Variants in TTC27 observed in about 807,000 individuals in gnomAD.
TTC27 encodes the protein tetratricopeptide repeat domain 27, also known as tetratricopeptide repeat protein 27.
Under a neutral mutation model 115.9 loss-of-function variants are expected in TTC27, and 79 were observed. That is an observed-to-expected ratio of 0.68 (90% CI 0.57 to 0.82). The LOEUF (loss-of-function observed/expected upper bound fraction) is 0.82, where lower values mean the gene tolerates loss of function less well. TTC27 is among the 40% of genes least tolerant of loss of function. TTC27 has a pLI of 0.00. For synonymous variants in TTC27, 401 were observed against 356.0 expected, an observed-to-expected ratio of 1.13 and a Z score of -1.42; for missense variants, 1,054 against 993.1, an observed-to-expected ratio of 1.06 and a Z score of -0.82.
intron 9 of TTC27, among the ~76,000 whole-genome samples, chr2:32,683,520 A>G (rs1666516663): frequency 1.3e-5 from 2 of 152,336 alleles, no homozygotes; most frequent in African/African-American, 4.8e-5. Flanking sequence ...GTTGAAATAT[A>G]TATGAAATAT....
At chr2:32,653,826 A>T (rs113999851) in intron 5 of TTC27, among the ~76,000 whole-genome samples, 2,102 of 152,300 alleles carry the variant, frequency 0.014, 23 homozygotes, top group Middle Eastern at 0.027. Flanking sequence ...TGACATTTTG[A>T]TCCAGAAGGT....
intron 9 of TTC27, among the ~76,000 whole-genome samples, chr2:32,687,694 A>C (rs1295839742): frequency 6.6e-6 from 1 of 152,226 alleles, no homozygotes; most frequent in African/African-American, 2.4e-5. Context: ...ATTACAAAGA[A>C]TATTTCCAGA....
chr2:32,820,671 G>A, intron 19 of TTC27, 145 bp from the exon 20 acceptor site: 1 of 647,758 alleles, frequency 1.5e-6, no homozygotes. Context: ...TTCTTGGCTA[G>A]TGAACAGAAA....
Position 32,628,312 on chromosome 2 carries a change from C to A in TTC27, c.20C>A (p.Ala7Glu). MWTPELAILRGFPTEAE... is the reference protein window; with the variant it reads MWTPELEILRGFPTEAE... ...GGGGTGATGTGGACCCCGGAGCTGG[C>A]AATTCTGAGGGGATTCCCCACTGAG... Residue 7 changes from alanine to glutamate, a missense_variant, in exon 1 of 20, where the codon GCA becomes GAA. Ala to Glu is a moderately radical substitution (Grantham distance 107). Coordinates refer to ENST00000317907, the MANE Select transcript of TTC27 (RefSeq NM_017735.5). The A allele has an allele frequency of 6.2e-7, 1 of 1,606,728 alleles. No individual in the cohort carries two copies. Among genetic ancestry groups the A allele is most frequent in the South Asian group, 1.1e-5 (1 of 89,002 alleles).
At chr2:32,631,721 A>G (rs1341215453) in intron 2 of TTC27, among the ~76,000 whole-genome samples, 1 of 152,240 alleles carries the variant, frequency 6.6e-6, no homozygotes, top group Non-Finnish European at 1.5e-5. Flanking sequence ...CTGAGGATGA[A>G]TAAAGCATAA....
intron 4 of TTC27, among the ~76,000 whole-genome samples, chr2:32,646,420 T>C (rs1162552622): frequency 6.6e-6 from 1 of 151,974 alleles, no homozygotes; most frequent in Non-Finnish European, 1.5e-5. Context: ...CTTCCTACCT[T>C]GGCTTCCCAA....
chr2:32,629,791 A>C (rs1364154298), intron 1 of TTC27, among the ~76,000 whole-genome samples: 6 of 152,176 alleles, frequency 3.9e-5, no homozygotes, highest in Non-Finnish European at 8.8e-5. Context: ...AGAGAGATAA[A>C]GAGTTAAAAG....
intron 16 of TTC27, among the ~76,000 whole-genome samples, chr2:32,794,419 A>G (rs1321187821): frequency 1.3e-5 from 2 of 152,222 alleles, no homozygotes; most frequent in African/African-American, 2.4e-5. Context: ...AAAATACAGC[A>G]TACCAAAACT....
intron 8 of TTC27, among the ~76,000 whole-genome samples, chr2:32,675,651 G>A (rs546577956): frequency 6.6e-6 from 1 of 152,076 alleles, no homozygotes. Context: ...TTACTGTGGG[G>A]TTTTTAAATA....
At chr2:32,652,687 A>G (rs1665174447) in intron 5 of TTC27, among the ~76,000 whole-genome samples, 1 of 152,190 alleles carries the variant, frequency 6.6e-6, no homozygotes, top group Non-Finnish European at 1.5e-5. Context: ...ATAGATTCGT[A>G]GATAGTGCTG....
In TTC27 at chr2:32,798,710, A is replaced by T. The variant is rs868615152; in HGVS notation, c.1998+11561A>T. On this transcript the variant is annotated intron_variant, in intron 16 of 19. Transcript: ENST00000317907. Reference sequence around the variant, plus strand: ...ACAGAGCGAGACTCCAGCTCAAAAAAAAAAATAATAATAATAATAATAATA... The same window carrying T: ...ACAGAGCGAGACTCCAGCTCAAAAATAAAAATAATAATAATAATAATAATA... Among the ~76,000 whole-genome samples the T allele has an allele frequency of 2.3e-3, 283 of 124,774 alleles. 2 individuals are homozygous for T. The highest frequency in any genetic ancestry group is 7.9e-3 in the Middle Eastern group (2 of 254). The allele number at this position is 124,774 out of a possible 152,430, so 81.9% of individuals were successfully genotyped here.
At chr2:32,632,803 T>C (rs146991263) in intron 2 of TTC27, among the ~76,000 whole-genome samples, 317 of 152,258 alleles carry the variant, frequency 2.1e-3, no homozygotes, top group African/African-American at 7.2e-3. Context: ...TTTGCTAGAG[T>C]TGGATCTGTA....
chr2:32,678,879 C>G lies in TTC27; in HGVS notation c.1076C>G (p.Pro359Arg), dbSNP rs1666322685. Residue 359 changes from proline (P) to arginine (R), a missense_variant, in exon 9 of 20, where the codon CCA becomes CGA. Physicochemically the swap from Pro to Arg is moderately radical, Grantham distance 103. Transcript: ENST00000317907. Reference protein sequence around the residue: ...GICTNFQKNNPVHTLTEVELL... With the variant: ...GICTNFQKNNRVHTLTEVELL... ...AGCACTAATTTTCAAAAGAATAACC[C>G]AGTGCACACATTAACTGAAGTGGAG... 6.2e-7 allele frequency: 1 copy of G among 1,612,756 alleles called. No homozygotes were observed. Among genetic ancestry groups the G allele is most frequent in the Admixed American group, 1.7e-5 (1 of 59,938 alleles).
At chr2:32,699,745 A>C (rs1238015133) in intron 9 of TTC27, among the ~76,000 whole-genome samples, 1 of 152,196 alleles carries the variant, frequency 6.6e-6, no homozygotes, top group East Asian at 1.9e-4. Context: ...AATAGACATC[A>C]TCACATTCTT....
chr2:32,801,943 T>TC (rs1488422973), intron 16 of TTC27, among the ~76,000 whole-genome samples: 1 of 152,232 alleles, frequency 6.6e-6, no homozygotes, highest in African/African-American at 2.4e-5. Context: ...AAGACTGGAA[T>TC]CCCAGGTCAT....
At chr2:32,724,358 C>T (rs1253178888) in intron 10 of TTC27, among the ~76,000 whole-genome samples, 4 of 152,230 alleles carry the variant, frequency 2.6e-5, no homozygotes, top group African/African-American at 9.6e-5. Context: ...TTGATATTTG[C>T]ATATTGGTCC....
At chr2:32,749,075 C>T (rs1176313515) in intron 12 of TTC27, among the ~76,000 whole-genome samples, 3 of 152,140 alleles carry the variant, frequency 2.0e-5, no homozygotes, top group Non-Finnish European at 4.4e-5. Flanking sequence ...TCTGGGCATC[C>T]TCAGGGATAG....
intron 9 of TTC27, among the ~76,000 whole-genome samples, chr2:32,699,829 G>T (rs1667120946): frequency 1.3e-5 from 2 of 152,246 alleles, no homozygotes; most frequent in South Asian, 4.2e-4. Flanking sequence ...CTTATTTTCA[G>T]TATTTAGTGA....
At chr2:32,653,845 T>C (rs991625933) in intron 5 of TTC27, among the ~76,000 whole-genome samples, 4 of 152,164 alleles carry the variant, frequency 2.6e-5, no homozygotes, top group Non-Finnish European at 5.9e-5. Flanking sequence ...GTCACAAATA[T>C]TCATTTCCAG....
Sources: gnomAD v4.1 joint callset for allele counts (sites outside exome capture counted in the v4.1 genomes callset) on GRCh38, gnomAD v4.1.1 for gene constraint, MANE v1.5 for transcripts, NCBI Gene and HGNC (gene_info 2026-07-23, HGNC 2026-07-21) for gene names.